Variants in TBC1D32 observed in about 807,000 individuals in gnomAD.
TBC1D32 encodes TBC1 domain family member 32, also known as protein broad-minded.
Under a neutral mutation model 170.3 loss-of-function variants are expected in TBC1D32, and 151 were observed. The ratio of observed to expected loss-of-function variants is 0.89; its 90% CI spans 0.78 to 1.01. TBC1D32 has a LOEUF of 1.01. Ranked by LOEUF, TBC1D32 falls within the 50% of genes least tolerant of loss-of-function variation. The pLI, the probability that TBC1D32 is intolerant of heterozygous loss-of-function variation, is 0.00. For missense variants in TBC1D32, 1,464 were observed against 1,457.1 expected, an observed-to-expected ratio of 1.00 and a Z score of -0.08; for synonymous variants, 498 against 488.0, an observed-to-expected ratio of 1.02 and a Z score of -0.27.
chr6:121,249,230 A>C (rs1415382705), intron 17 of TBC1D32, among the ~76,000 whole-genome samples: 2 of 151,736 alleles, frequency 1.3e-5, no homozygotes, highest in Non-Finnish European at 2.9e-5. Flanking sequence ...TTATTATCTC[A>C]ATAAAAACAA....
chr6:121,242,289 G>A lies in TBC1D32; in HGVS notation c.2069C>T (p.Thr690Ile). 1.2e-6 allele frequency: 2 copies of A among 1,612,702 alleles called. No homozygotes were observed. The highest frequency in any genetic ancestry group is 1.1e-5 in the South Asian group (1 of 91,002). ...LLDDLLHFAA[T>I]PKGLLLLQRT... ...TTGAAGAAGTAGTAATCCTTTGGGG[G>A]TGGCAGCAAAATGTAGTAAATCATC... Residue 690 changes from threonine (T) to isoleucine (I), a missense_variant, in exon 18 of 32, where the codon ACC (threonine) becomes ATC (isoleucine). Thr to Ile is a moderately conservative substitution (Grantham distance 89). Transcript: ENST00000398212.
intron 22 of TBC1D32, among the ~76,000 whole-genome samples, chr6:121,202,046 A>T (rs1370180309): frequency 6.6e-6 from 1 of 151,160 alleles, no homozygotes; most frequent in Non-Finnish European, 1.5e-5. Context: ...TTAAGTGAGA[A>T]ATGTATAAAT....
At chr6:121,140,312 A>AT (rs1223386755) in intron 24 of TBC1D32, among the ~76,000 whole-genome samples, 2 of 149,632 alleles carry the variant, frequency 1.3e-5, no homozygotes, top group Non-Finnish European at 3.0e-5. Context: ...GTAGTAAAAA[A>AT]AATTACATCA....
rs1232370790 is a variant in TBC1D32, at chr6:121,255,463, T to TTTATATTTTATAATTATATTTATAA, written c.1936-78_1936-54dup. On this transcript the variant is annotated intron_variant, in intron 16 of 31. Transcript: ENST00000398212. ...GCTTACTGATAGCACTAGCCATATATTTATATTTTATAATTATATTTATAA... is the reference window on the plus strand; with the variant it reads ...GCTTACTGATAGCACTAGCCATATATTTATATTTTATAATTATATTTATAATTATATTTTATAATTATATTTATAA... 47 of 320,400 alleles carry TTTATATTTTATAATTATATTTATAA rather than the reference T, an allele frequency of 1.5e-4. 2 individuals are homozygous for TTTATATTTTATAATTATATTTATAA. The African/African-American group carries it at 2.3e-3, about 15-fold the overall frequency. The allele number at this position is 320,400 out of a possible 1,614,324, so 19.8% of individuals were successfully genotyped here.
intron 29 of TBC1D32, among the ~76,000 whole-genome samples, chr6:121,108,928 A>C (rs1035087808): frequency 1.3e-5 from 2 of 152,200 alleles, no homozygotes; most frequent in African/African-American, 4.8e-5. Flanking sequence ...TCATGCATAG[A>C]GGTAAACAAA....
intron 9 of TBC1D32, among the ~76,000 whole-genome samples, chr6:121,300,066 C>G (rs1352673101): frequency 2.0e-5 from 3 of 152,004 alleles, no homozygotes; most frequent in Admixed American, 6.6e-5. Flanking sequence ...TTGTACAAAG[C>G]CAGGGAAAAC....
intron 16 of TBC1D32, 32 bp downstream of exon 16, chr6:121,256,052 A>G (rs776170667): frequency 6.4e-7 from 1 of 1,559,410 alleles, no homozygotes; most frequent in South Asian, 1.2e-5. Flanking sequence ...AAAGATTTGC[A>G]GGGAGAAAAA....
intron 13 of TBC1D32, among the ~76,000 whole-genome samples, chr6:121,282,493 T>C (rs1248473214): frequency 1.4e-5 from 2 of 145,758 alleles, no homozygotes; most frequent in Admixed American, 7.5e-5. Context: ...TTCTAACTTA[T>C]GTTACAATAT....
Position 121,160,099 on chromosome 6 carries a change from T to C in TBC1D32, c.2684A>G (p.Asp895Gly). The change falls in exon 24 of 32, where the codon GAT becomes GGT. Residue 895 changes from aspartate to glycine, a missense_variant. Transcript: ENST00000398212. ...AAACATTGGCCAAGGATATGGATTA[T>C]CACTCTAAAAAAGAAGCAAGACAGA... ...ILPPRLLEKSDNPYPWPMFSS... is the reference protein window; with the variant it reads ...ILPPRLLEKSGNPYPWPMFSS... The C allele has an allele frequency of 1.3e-6, 2 of 1,592,650 alleles. No individual in the cohort carries two copies. Among genetic ancestry groups the C allele is most frequent in the South Asian group, 1.1e-5 (1 of 89,152 alleles).
chr6:121,110,721 TGTACTATC>T lies in TBC1D32; in HGVS notation c.3324+1776_3324+1783del, dbSNP rs554548563. Among the ~76,000 whole-genome samples, 299 of 152,268 alleles carry T rather than the reference TGTACTATC, an allele frequency of 2.0e-3. 3 individuals carry two copies. The Middle Eastern group carries it at 0.037, about 19-fold the overall frequency. On this transcript the variant is annotated intron_variant, in intron 29 of 31. Coordinates refer to ENST00000398212, the MANE Select transcript of TBC1D32 (RefSeq NM_152730.6). ...AAATAATATATTAAGACTTACTGAATGTACTATCAAGTCAAGTGACATAGGGGAAATAG... is the reference window on the plus strand; with the variant it reads ...AAATAATATATTAAGACTTACTGAATAAGTCAAGTGACATAGGGGAAATAG...
At chr6:121,209,822 G>C (rs1040810787) in intron 21 of TBC1D32, among the ~76,000 whole-genome samples, 2 of 152,170 alleles carry the variant, frequency 1.3e-5, no homozygotes, top group Admixed American at 6.5e-5. Context: ...CAGAAACAGA[G>C]AGACAGATGT....
At chr6:121,104,444 A>C (rs1778480538) in intron 30 of TBC1D32, among the ~76,000 whole-genome samples, 1 of 151,752 alleles carries the variant, frequency 6.6e-6, no homozygotes. Flanking sequence ...ACTTAACGAT[A>C]ACATGCTGGA....
intron 9 of TBC1D32, among the ~76,000 whole-genome samples, chr6:121,301,001 C>T (rs558395797): frequency 6.6e-6 from 1 of 150,696 alleles, no homozygotes; most frequent in African/African-American, 2.5e-5. Context: ...TACCATCTCA[C>T]ATCAGTTAGA....
chr6:121,175,608 T>C (rs962181069), intron 22 of TBC1D32, among the ~76,000 whole-genome samples: 1 of 152,188 alleles, frequency 6.6e-6, no homozygotes, highest in Non-Finnish European at 1.5e-5. Context: ...TCGGAACAGA[T>C]GCTTAAAAGC....
intron 20 of TBC1D32, among the ~76,000 whole-genome samples, chr6:121,235,076 C>T (rs1191819121): frequency 6.6e-6 from 1 of 152,174 alleles, no homozygotes; most frequent in Admixed American, 6.5e-5. Context: ...TCAGGTCTTG[C>T]AGCTATGGAT....
chr6:121,272,344 T>C (rs2128427445), intron 15 of TBC1D32, among the ~76,000 whole-genome samples: 1 of 152,200 alleles, frequency 6.6e-6, no homozygotes, highest in South Asian at 2.1e-4. Context: ...GAGAAACTTT[T>C]TACAATCTAT....
At chr6:121,142,111 C>T (rs927488687) in intron 24 of TBC1D32, among the ~76,000 whole-genome samples, 4 of 152,234 alleles carry the variant, frequency 2.6e-5, no homozygotes, top group South Asian at 2.1e-4. Flanking sequence ...ATGCGAGCAT[C>T]GCCAGCTTAG....
chr6:121,119,640 A>T (rs1301938862), intron 26 of TBC1D32, among the ~76,000 whole-genome samples: 1 of 152,162 alleles, frequency 6.6e-6, no homozygotes, highest in Non-Finnish European at 1.5e-5. Context: ...AGGGAATTGA[A>T]CCAACAAAAA....
chr6:121,170,276 T>A, intron 22 of TBC1D32: 1 of 963,244 alleles, frequency 1.0e-6, no homozygotes, highest in South Asian at 1.9e-5. Flanking sequence ...CTGCTTTGTA[T>A]TCTGTTATTT....
Sources: allele counts gnomAD v4.1 joint callset (sites outside exome capture counted in the v4.1 genomes callset), GRCh38; gene constraint gnomAD v4.1.1; transcripts MANE v1.5; gene names NCBI Gene and HGNC (gene_info 2026-07-23, HGNC 2026-07-21).